The following HS6ST3 variants were observed in gnomAD, a reference collection of about 807,000 sequenced individuals.
The protein encoded by HS6ST3 is heparan-sulfate 6-O-sulfotransferase 3.
HS6ST3 carries 12 observed loss-of-function variants against 36.7 expected under a neutral mutation model. That is an observed-to-expected ratio of 0.33 (90% confidence interval 0.21 to 0.53). The LOEUF (loss-of-function observed/expected upper bound fraction) is 0.53, where lower values mean the gene tolerates loss of function less well. HS6ST3 is among the 20% of genes least tolerant of loss of function. The pLI is 0.95. For missense variants in HS6ST3, 584 were observed against 640.9 expected, an observed-to-expected ratio of 0.91 and a Z score of 0.96; for synonymous variants, 240 against 257.5, an observed-to-expected ratio of 0.93 and a Z score of 0.65.
chr13:96,158,461 G>A (rs2054120230), intron 1 of HS6ST3, among the ~76,000 whole-genome samples: 1 of 151,674 alleles, frequency 6.6e-6, no homozygotes, highest in South Asian at 2.1e-4. Context: ...AGAGACCCTC[G>A]CCAACATGGT....
At chr13:96,212,017 T>G (rs1037312750) in intron 1 of HS6ST3, among the ~76,000 whole-genome samples, 1 of 152,100 alleles carries the variant, frequency 6.6e-6, no homozygotes, top group Non-Finnish European at 1.5e-5. Context: ...CTAACCAGAG[T>G]CAATTTAGGT....
At chr13:96,146,654 C>T (rs373619588) in intron 1 of HS6ST3, among the ~76,000 whole-genome samples, 3 of 152,142 alleles carry the variant, frequency 2.0e-5, no homozygotes, top group African/African-American at 7.2e-5. Flanking sequence ...TCTTCTCATT[C>T]CTGCCTGACC....
At chr13:96,156,920 T>C (rs540261669) in intron 1 of HS6ST3, among the ~76,000 whole-genome samples, 40 of 152,294 alleles carry the variant, frequency 2.6e-4, no homozygotes, top group African/African-American at 8.9e-4. Context: ...AGGAACCATA[T>C]GTCAGTGAGC....
At chr13:96,709,431 A>G (rs1303143208) in intron 1 of HS6ST3, among the ~76,000 whole-genome samples, 1 of 152,208 alleles carries the variant, frequency 6.6e-6, no homozygotes, top group Non-Finnish European at 1.5e-5. Flanking sequence ...GGCTTGCCCA[A>G]TAGTAAATGC....
rs1181091777 is a variant in HS6ST3, at chr13:96,328,575, C to T, written c.707+237006C>T. ...GAGCTTTTTGATGTGCTGCTGGATTCGGTTTGCCAGTATTTTATTGAGGAT... is the reference window on the plus strand; with the variant it reads ...GAGCTTTTTGATGTGCTGCTGGATTTGGTTTGCCAGTATTTTATTGAGGAT... On this transcript the variant is annotated intron_variant, in intron 1 of 1. Transcript: ENST00000376705. Among the ~76,000 whole-genome samples the T allele has an allele frequency of 3.6e-3, 547 of 151,650 alleles. 7 individuals carry two copies. The highest frequency in any genetic ancestry group is 0.012 in the African/African-American group (514 of 41,352).
At chr13:96,653,913 G>A (rs1056955736) in intron 1 of HS6ST3, among the ~76,000 whole-genome samples, 1 of 152,200 alleles carries the variant, frequency 6.6e-6, no homozygotes, top group Non-Finnish European at 1.5e-5. Context: ...ACTGGCGTGA[G>A]ATGGTATGTC....
chr13:96,527,443 T>A (rs973759005), intron 1 of HS6ST3, among the ~76,000 whole-genome samples: 1 of 152,240 alleles, frequency 6.6e-6, no homozygotes, highest in Non-Finnish European at 1.5e-5. Flanking sequence ...ATGTAGCTTA[T>A]ATTTGAGTGC....
At chr13:96,280,097 A>C (rs2054768121) in intron 1 of HS6ST3, among the ~76,000 whole-genome samples, 1 of 152,104 alleles carries the variant, frequency 6.6e-6, no homozygotes, top group Non-Finnish European at 1.5e-5. Flanking sequence ...TTACACTGGC[A>C]GGTTCTTATT....
chr13:96,376,927 G>A (rs1275910386), intron 1 of HS6ST3, among the ~76,000 whole-genome samples: 2 of 151,832 alleles, frequency 1.3e-5, no homozygotes, highest in African/African-American at 4.8e-5. Flanking sequence ...ACCAGTCTGG[G>A]CAACATAGCA....
chr13:96,244,694 T>TAG (rs1174164449), intron 1 of HS6ST3, among the ~76,000 whole-genome samples: 1 of 152,192 alleles, frequency 6.6e-6, no homozygotes, highest in Admixed American at 6.5e-5. Context: ...CCAAGCTAGT[T>TAG]TTAAATTTAT....
intron 1 of HS6ST3, among the ~76,000 whole-genome samples, chr13:96,397,252 A>T (rs1200388169): frequency 6.6e-6 from 1 of 152,170 alleles, no homozygotes; most frequent in Non-Finnish European, 1.5e-5. Context: ...TAGATTAAAT[A>T]ATTTACAATA....
chr13:96,110,523 G>A (rs2053863205), intron 1 of HS6ST3, among the ~76,000 whole-genome samples: 1 of 150,396 alleles, frequency 6.6e-6, no homozygotes, highest in Admixed American at 6.7e-5. Context: ...TGCAAGCTCC[G>A]CCTCCCAGGT....
chr13:96,584,672 C>T (rs2056354299), intron 1 of HS6ST3, among the ~76,000 whole-genome samples: 2 of 152,268 alleles, frequency 1.3e-5, no homozygotes, highest in Admixed American at 6.5e-5. Context: ...TATCCCTGGT[C>T]TTTTGTCTTT....
chr13:96,546,027 G>T (rs1053019890), intron 1 of HS6ST3, among the ~76,000 whole-genome samples: 4 of 152,130 alleles, frequency 2.6e-5, no homozygotes, highest in Non-Finnish European at 5.9e-5. Context: ...AAATGGAAGG[G>T]TGAAGTAGAA....
chr13:96,113,379 A>G (rs1005731234), intron 1 of HS6ST3, among the ~76,000 whole-genome samples: 6 of 152,154 alleles, frequency 3.9e-5, no homozygotes, highest in African/African-American at 1.4e-4. Flanking sequence ...ACAGATTGAC[A>G]GAGTATGACA....
At chr13:96,829,530 G>A (rs1011430075) in intron 1 of HS6ST3, among the ~76,000 whole-genome samples, 3 of 151,954 alleles carry the variant, frequency 2.0e-5, no homozygotes, top group African/African-American at 7.3e-5. Flanking sequence ...CCGTCTATGT[G>A]TCCATGTGTT....
At chr13:96,215,047 G>A (rs145530413) in intron 1 of HS6ST3, among the ~76,000 whole-genome samples, 52 of 152,256 alleles carry the variant, frequency 3.4e-4, no homozygotes, top group African/African-American at 1.2e-3. Flanking sequence ...GTGGGAGGGG[G>A]TCGTCAAACC....
At chr13:96,574,279 C>A in intron 1 of HS6ST3, 1 of 383,490 alleles carries the variant, frequency 2.6e-6, no homozygotes. Flanking sequence ...AAACTGAATT[C>A]ATTAAGGAAA....
chr13:96,371,279 C>T (rs1038604069), intron 1 of HS6ST3, among the ~76,000 whole-genome samples: 2 of 152,080 alleles, frequency 1.3e-5, no homozygotes, highest in Non-Finnish European at 2.9e-5. Flanking sequence ...TTGCATTTAC[C>T]TGATTACTAA....
Sources: allele counts gnomAD v4.1 joint callset (sites outside exome capture counted in the v4.1 genomes callset), GRCh38; gene constraint gnomAD v4.1.1; transcripts MANE v1.5; gene names NCBI Gene and HGNC (gene_info 2026-07-23, HGNC 2026-07-21).